Variants in LGSN observed in about 807,000 individuals in gnomAD.
LGSN encodes lengsin.
A neutral mutation model predicts 19.5 loss-of-function variants in LGSN; 21 were observed. The ratio of observed to expected loss-of-function variants is 1.07; its 90% confidence interval spans 0.76 to 1.55. The LOEUF (loss-of-function observed/expected upper bound fraction) is 1.55. LGSN is among the 40% of genes most tolerant of loss of function. LGSN has a pLI of 0.00. For synonymous variants in LGSN, 257 were observed against 215.6 expected (o/e 1.19, Z -1.68); for missense variants, 673 against 608.5 (o/e 1.11, Z -1.12).
At chr6:63,433,591 A>G in the LGSN span, among the ~76,000 whole-genome samples, 1 of 152,338 alleles carries the variant, frequency 6.6e-6, no homozygotes, top group South Asian at 2.1e-4. Flanking sequence ...TATCTTATTC[A>G]ATCACATCCA....
chr6:63,448,873 T>G, the LGSN span, among the ~76,000 whole-genome samples: 2 of 151,998 alleles, frequency 1.3e-5, no homozygotes, highest in African/African-American at 4.8e-5. Flanking sequence ...AGGTTAAAAG[T>G]GTGTTTAACA....
At chr6:63,505,593 G>GAAATAAATAAATAAATAAAT in the LGSN span, among the ~76,000 whole-genome samples, 2 of 127,442 alleles carry the variant, frequency 1.6e-5, no homozygotes, top group East Asian at 4.2e-4. Context: ...AAGAAAGAAA[G>GAAATAAATAAATAAATAAAT]AAAGAAAGAA....
the LGSN span, among the ~76,000 whole-genome samples, chr6:63,432,088 G>GGAAGGAAA: frequency 1.3e-4 from 6 of 44,738 alleles, no homozygotes; most frequent in South Asian, 8.8e-4. Flanking sequence ...AGAAAAAGAA[G>GGAAGGAAA]GAAAGAAAGA....
the LGSN span, among the ~76,000 whole-genome samples, chr6:63,372,810 C>A: frequency 6.6e-6 from 1 of 152,064 alleles, no homozygotes; most frequent in Non-Finnish European, 1.5e-5. Flanking sequence ...TGACAAAAGG[C>A]TTTCCTAACA....
At chr6:63,573,385 C>T in the LGSN span, 1 of 152,448 alleles carries the variant, frequency 6.6e-6, no homozygotes, top group East Asian at 1.9e-4. Flanking sequence ...GCGGGACAGC[C>T]ACTGGGTGCA....
chr6:63,360,297 C>A, the LGSN span, among the ~76,000 whole-genome samples: 6 of 152,222 alleles, frequency 3.9e-5, no homozygotes, highest in Non-Finnish European at 8.8e-5. Flanking sequence ...TTCAGGTACA[C>A]CAATCAGACG....
the LGSN span, among the ~76,000 whole-genome samples, chr6:63,456,369 A>ACTTTTTTTTTTTTTT: frequency 2.5e-5 from 1 of 40,066 alleles, no homozygotes; most frequent in Non-Finnish European, 7.2e-5. Flanking sequence ...ATATATATAT[A>ACTTTTTTTTTTTTTT]TATATATATA....
chr6:63,492,792 T>A, the LGSN span, among the ~76,000 whole-genome samples: 63 of 152,360 alleles, frequency 4.1e-4, no homozygotes, highest in East Asian at 0.011. Context: ...GTAGGTGTAA[T>A]GGCTTAAATT....
At chr6:63,308,847 C>G (rs540599952) in intron 1 of LGSN, among the ~76,000 whole-genome samples, 1 of 152,214 alleles carries the variant, frequency 6.6e-6, no homozygotes, top group Non-Finnish European at 1.5e-5. Flanking sequence ...CTTCAGTTAC[C>G]TTTAAGTGTG....
chr6:63,283,995 C>T (rs1433425740), intron 3 of LGSN, among the ~76,000 whole-genome samples: 1 of 152,090 alleles, frequency 6.6e-6, no homozygotes, highest in African/African-American at 2.4e-5. Context: ...CCACTGTGCC[C>T]GGCCTCTTAA....
chr6:63,381,325 A>G, the LGSN span, among the ~76,000 whole-genome samples: 14 of 152,226 alleles, frequency 9.2e-5, no homozygotes, highest in African/African-American at 2.9e-4. Context: ...AGTTCAAATC[A>G]GGGCATCCAC....
the LGSN span, among the ~76,000 whole-genome samples, chr6:63,406,705 C>CA: frequency 5.3e-5 from 8 of 151,710 alleles, no homozygotes; most frequent in African/African-American, 1.7e-4. Context: ...AATAGAGACA[C>CA]AAAAAACCCT....
At chr6:63,499,106 C>T in the LGSN span, among the ~76,000 whole-genome samples, 1 of 152,066 alleles carries the variant, frequency 6.6e-6, no homozygotes, top group Non-Finnish European at 1.5e-5. Context: ...ATGATTTTTA[C>T]CAATTCCAAA....
chr6:63,537,213 G>A, the LGSN span, among the ~76,000 whole-genome samples: 1 of 152,214 alleles, frequency 6.6e-6, no homozygotes, highest in Admixed American at 6.5e-5. Context: ...TTTCCTGGTC[G>A]AGGCAAATGT....
At chr6:63,384,489 T>C in the LGSN span, among the ~76,000 whole-genome samples, 2 of 131,504 alleles carry the variant, frequency 1.5e-5, no homozygotes, top group Non-Finnish European at 3.2e-5. Context: ...AAATAACACC[T>C]TGTGTGTGTG....
the LGSN span, among the ~76,000 whole-genome samples, chr6:63,531,515 T>A: frequency 6.7e-6 from 1 of 148,392 alleles, no homozygotes; most frequent in Non-Finnish European, 1.5e-5. Context: ...TATTATGCTT[T>A]TTTTTTTTTT....
the LGSN span, among the ~76,000 whole-genome samples, chr6:63,504,442 G>A: frequency 2.0e-4 from 31 of 152,074 alleles, no homozygotes; most frequent in African/African-American, 7.5e-4. Context: ...GGATTTCACA[G>A]TGTTAGCCAG....
chr6:63,324,047 C>T (rs116169179), upstream of LGSN, among the ~76,000 whole-genome samples: 448 of 152,262 alleles, frequency 2.9e-3, 3 homozygotes, highest in African/African-American at 0.01. Flanking sequence ...TGCTGGATGA[C>T]AGGCGTGAGC....
chr6:63,381,260 G>A, the LGSN span, among the ~76,000 whole-genome samples: 14 of 152,128 alleles, frequency 9.2e-5, no homozygotes, highest in Non-Finnish European at 1.5e-5. Flanking sequence ...AAAACATATG[G>A]ATGTCAATTA....
Sources: gnomAD v4.1 joint callset for allele counts (sites outside exome capture counted in the v4.1 genomes callset) on GRCh38, gnomAD v4.1.1 for gene constraint, MANE v1.5 for transcripts, NCBI Gene and HGNC (gene_info 2026-07-23, HGNC 2026-07-21) for gene names.